Variants in JAZF1 observed in about 807,000 individuals in gnomAD.
JAZF1 encodes JAZF zinc finger 1.
JAZF1 carries 8 observed loss-of-function variants against 26.4 expected under a neutral mutation model. The observed-to-expected ratio is 0.30, with a 90% CI of 0.18 to 0.55. The LOEUF (loss-of-function observed/expected upper bound fraction) is 0.55. JAZF1 is among the 20% of genes least tolerant of loss of function. JAZF1 has a pLI of 0.94. For synonymous variants in JAZF1, 126 were observed against 122.3 expected, an observed-to-expected ratio of 1.03 and a Z score of -0.20; for missense variants, 199 against 322.0, an observed-to-expected ratio of 0.62 and a Z score of 2.92.
In JAZF1 at chr7:27,858,513, G is replaced by T. The variant is rs112642018; in HGVS notation, c.386-17646C>A. Among the ~76,000 whole-genome samples the T allele has an allele frequency of 5.3e-5, 8 of 152,252 alleles. 1 individual carries two copies. Among genetic ancestry groups the T allele is most frequent in the African/African-American group, 1.9e-4 (8 of 41,530 alleles). ...AAGGGTACAGTAACCAAAACAGCAT[G>T]GTACGGATGCCAAAACAGATATATA... On this transcript the variant is annotated intron_variant, in intron 3 of 4. Transcript: ENST00000283928.
At chr7:27,834,055 C>T (rs969940960) in intron 4 of JAZF1, among the ~76,000 whole-genome samples, 1 of 152,166 alleles carries the variant, frequency 6.6e-6, no homozygotes, top group African/African-American at 2.4e-5. Flanking sequence ...TAAAATATTA[C>T]CTAAATCCAG....
intron 2 of JAZF1, among the ~76,000 whole-genome samples, chr7:27,912,660 GA>G (rs377520868): frequency 2.6e-5 from 4 of 152,144 alleles, no homozygotes; most frequent in African/African-American, 9.7e-5. Context: ...TTAGAGTTCT[GA>G]AAAGCCAATT....
chr7:28,004,053 ACT>A (rs1782655395), intron 1 of JAZF1, among the ~76,000 whole-genome samples: 1 of 152,184 alleles, frequency 6.6e-6, no homozygotes, highest in African/African-American at 2.4e-5. Flanking sequence ...TCTCAAGCAG[ACT>A]GGACTATAGA....
intron 1 of JAZF1, among the ~76,000 whole-genome samples, chr7:28,115,028 T>C (rs1784720130): frequency 6.6e-6 from 1 of 152,140 alleles, no homozygotes; most frequent in Admixed American, 6.6e-5. Flanking sequence ...TCAGAGACTA[T>C]TTACAAAGGG....
intron 2 of JAZF1, among the ~76,000 whole-genome samples, chr7:27,962,086 C>T (rs1407678202): frequency 1.3e-5 from 2 of 152,208 alleles, no homozygotes; most frequent in South Asian, 2.1e-4. Flanking sequence ...TTTGCTTTTT[C>T]ATATCAACTT....
chr7:28,137,671 C>G (rs560081935), intron 1 of JAZF1, among the ~76,000 whole-genome samples: 10 of 152,290 alleles, frequency 6.6e-5, no homozygotes, highest in African/African-American at 2.4e-4. Flanking sequence ...GCCTCCCCCT[C>G]TCCACAGATG....
At chr7:27,916,563 C>T (rs1370043641) in intron 2 of JAZF1, among the ~76,000 whole-genome samples, 1 of 152,184 alleles carries the variant, frequency 6.6e-6, no homozygotes, top group Non-Finnish European at 1.5e-5. Context: ...ATGACTCATG[C>T]TGGTGTAAAC....
At position 28,121,100 on chromosome 7, in the gene JAZF1, T is replaced by C. The variant is rs113360536; in HGVS notation, c.115+59363A>G. ...CTGTAATCTCAGCTACTCAGGAGGC[T>C]GAGGCTGAAGAACCCTTTGAATCTG... On this transcript the variant is annotated intron_variant, in intron 1 of 4. Transcript: ENST00000283928. Among the ~76,000 whole-genome samples the C allele has an allele frequency of 2.6e-4, 39 of 147,732 alleles. 1 individual carries two copies. The highest frequency in any genetic ancestry group is 9.6e-4 in the African/African-American group (38 of 39,566).
rs145206395 is a variant in JAZF1, at chr7:27,931,314, G to C, written c.189-35898C>G. ...CAAAAACAGGTGGAGGGCCAGATTTGGCTCACAAGTCATAGTTTGCCAGTT... is the reference window on the plus strand; with the variant it reads ...CAAAAACAGGTGGAGGGCCAGATTTCGCTCACAAGTCATAGTTTGCCAGTT... On this transcript the variant is annotated intron_variant, in intron 2 of 4. Coordinates refer to ENST00000283928, the MANE Select transcript of JAZF1 (RefSeq NM_175061.4). Among the ~76,000 whole-genome samples the C allele has an allele frequency of 7.4e-3, 1,120 of 152,292 alleles. 23 individuals carry two copies. Among genetic ancestry groups the C allele is most frequent in the African/African-American group, 0.026 (1,060 of 41,562 alleles).
intron 1 of JAZF1, among the ~76,000 whole-genome samples, chr7:28,127,692 G>A (rs1212467579): frequency 6.6e-6 from 1 of 152,192 alleles, no homozygotes; most frequent in Non-Finnish European, 1.5e-5. Context: ...AAAGGAAAGA[G>A]GTTTAATTGA....
intron 2 of JAZF1, among the ~76,000 whole-genome samples, chr7:27,980,734 A>AC (rs904633083): frequency 1.3e-5 from 2 of 149,386 alleles, no homozygotes; most frequent in African/African-American, 5.1e-5. Context: ...TATAAACATC[A>AC]TTTTTTTTAA....
chr7:28,070,365 TG>T lies in JAZF1; in HGVS notation c.116-78385del, dbSNP rs577774386. 7.2e-4 allele frequency among the ~76,000 whole-genome samples: 109 copies of T among 152,348 alleles called. No individual in the cohort carries two copies. The Middle Eastern group carries it at 0.014, about 19-fold the overall frequency. On this transcript the variant is annotated intron_variant, in intron 1 of 4. Transcript: ENST00000283928. Reference sequence around the variant, plus strand: ...AAATAAGAAGTTGAAAACATACATGTGGCCACATTTTCCTCTCCTTTGCTTC... The same window carrying T: ...AAATAAGAAGTTGAAAACATACATGTGCCACATTTTCCTCTCCTTTGCTTC...
rs188070584 is a variant in JAZF1, at chr7:27,884,817, G to A, written c.385+10403C>T. Among the ~76,000 whole-genome samples the A allele has an allele frequency of 1.8e-3, 276 of 152,270 alleles. 1 individual carries two copies. The highest frequency in any genetic ancestry group is 5.4e-3 in the African/African-American group (226 of 41,550). ...AGGTGCTATATACATCCTTGTATCC[G>A]TCTTTTGTGGATACATGTTTTCACT... On this transcript the variant is annotated intron_variant, in intron 3 of 4. Transcript: ENST00000283928.
At chr7:27,867,607 C>T (rs1783497333) in intron 3 of JAZF1, among the ~76,000 whole-genome samples, 1 of 152,248 alleles carries the variant, frequency 6.6e-6, no homozygotes, top group African/African-American at 2.4e-5. Flanking sequence ...ACCATCAGGG[C>T]TGCATTTCAA....
chr7:28,169,037 T>C (rs1583596257), intron 1 of JAZF1, among the ~76,000 whole-genome samples: 1 of 152,242 alleles, frequency 6.6e-6, no homozygotes, highest in African/African-American at 2.4e-5. Context: ...GTGTGACTTA[T>C]AAATCAATAA....
intron 2 of JAZF1, among the ~76,000 whole-genome samples, chr7:27,967,576 T>C (rs1047899864): frequency 5.3e-5 from 8 of 152,080 alleles, no homozygotes; most frequent in African/African-American, 1.7e-4. Context: ...ATAGGTTAAA[T>C]GAAAAAGCAA....
intron 1 of JAZF1, among the ~76,000 whole-genome samples, chr7:28,015,123 C>T (rs1024523): frequency 0.043 from 6,526 of 151,880 alleles, 509 homozygotes; most frequent in African/African-American, 0.15. Context: ...AAAATTCTGA[C>T]GCAGCTCAAG....
intron 1 of JAZF1, among the ~76,000 whole-genome samples, chr7:28,156,625 T>C (rs867883834): frequency 6.6e-6 from 1 of 152,190 alleles, no homozygotes; most frequent in East Asian, 1.9e-4. Flanking sequence ...TGGGAATTTG[T>C]TGAAACACAA....
intron 2 of JAZF1, among the ~76,000 whole-genome samples, chr7:27,951,805 G>A (rs1785012538): frequency 6.6e-6 from 1 of 152,312 alleles, no homozygotes; most frequent in African/African-American, 2.4e-5. Context: ...TCTGGTGTAA[G>A]AAGAGAAAGA....
Sources: gnomAD v4.1 joint callset for allele counts (sites outside exome capture counted in the v4.1 genomes callset) on GRCh38, gnomAD v4.1.1 for gene constraint, MANE v1.5 for transcripts, NCBI Gene and HGNC (gene_info 2026-07-23, HGNC 2026-07-21) for gene names.